Variants in NCOR1 observed in about 807,000 individuals in gnomAD.
The protein encoded by NCOR1 is protein phosphatase 1, regulatory subunit 109.
NCOR1 carries 63 observed loss-of-function variants against 288.1 expected under a neutral mutation model. That is an observed-to-expected ratio of 0.22 (90% confidence interval 0.18 to 0.27). NCOR1 has a LOEUF of 0.27. Ranked by LOEUF, NCOR1 falls within the 10% of genes least tolerant of loss-of-function variation. NCOR1 has a pLI of 1.00. For synonymous variants in NCOR1, 1,007 were observed against 1,065.9 expected (o/e 0.94, Z 1.08); for missense variants, 2,397 against 3,019.2 (o/e 0.79, Z 4.83).
Position 16,165,013 on chromosome 17 carries a change from A to G in NCOR1, c.584T>C (p.Val195Ala). The G allele has an allele frequency of 6.3e-7, 1 of 1,576,024 alleles. No homozygotes were observed. Among genetic ancestry groups the G allele is most frequent in the Non-Finnish European group, 8.6e-7 (1 of 1,165,250 alleles). The change falls in exon 5 of 46, where the codon GTA becomes GCA. Residue 195 changes from valine to alanine, a missense_variant. Val to Ala is a moderately conservative substitution (Grantham distance 64). Around this residue, in one of 11 missense-constraint regions of NCOR1, gnomAD observed 5 missense variants for 32.6 expected, o/e 0.15. Transcript: ENST00000268712. ...MDRVDREIAK[V>A]EQQILKLKKK... ...TTTCAGTTTAAGGATCTGCTGTTCTACTTTTGCAATTTCTCGATCTACACG... is the reference window on the plus strand; with the variant it reads ...TTTCAGTTTAAGGATCTGCTGTTCTGCTTTTGCAATTTCTCGATCTACACG...
At chr17:16,163,751 T>G (rs2081381761) in intron 5 of NCOR1, among the ~76,000 whole-genome samples, 1 of 151,980 alleles carries the variant, frequency 6.6e-6, no homozygotes, top group Non-Finnish European at 1.5e-5. Flanking sequence ...TGAACACAAC[T>G]CAAATATCCA....
chr17:16,039,821 C>G lies in NCOR1; in HGVS notation c.6734-167G>C, dbSNP rs2057211675. Reference sequence around the variant, plus strand: ...CTTTTTTTTTGGAGACAGAGTCTCTCTCTGTCGCACCCAGGCTGGAGTGCA... The same window carrying G: ...CTTTTTTTTTGGAGACAGAGTCTCTGTCTGTCGCACCCAGGCTGGAGTGCA... On this transcript the variant is annotated intron_variant, in intron 43 of 45. Coordinates refer to ENST00000268712, the MANE Select transcript of NCOR1 (RefSeq NM_006311.4). 3 of 625,536 alleles carry G rather than the reference C, an allele frequency of 4.8e-6. No individual in the cohort carries two copies. In the African/African-American group the frequency reaches 5.5e-5, roughly 12 times the overall value. 38.7% of individuals were successfully genotyped at this position (625,536 alleles called of 1,614,324 possible).
chr17:16,164,732 T>C lies in NCOR1; in HGVS notation c.618+247A>G, dbSNP rs529171458. The stretch of plus-strand genomic sequence containing the variant: ...CAAAAACCAGCACCATTGTATGGAA[T>C]AGAAAAAAAAAAATCAAAAATAGAA... On this transcript the variant is annotated intron_variant, in intron 5 of 45. Transcript: ENST00000268712. 1.1e-5 allele frequency: 3 copies of C among 269,982 alleles called. No homozygotes were observed. In the South Asian group the frequency reaches 3.0e-4, roughly 27 times the overall value. The allele number at this position is 269,982 out of a possible 1,614,324, so 16.7% of individuals were successfully genotyped here. A position where few individuals can be genotyped will look rare whatever the true frequency, so the allele number is the denominator to read the frequency against.
chr17:16,175,263 G>A (rs1251297984), intron 3 of NCOR1, among the ~76,000 whole-genome samples: 1 of 151,982 alleles, frequency 6.6e-6, no homozygotes, highest in East Asian at 1.9e-4. Context: ...AGCTACTCGG[G>A]AAACTGAGGC....
At chr17:16,144,047 G>C (rs1372451315) in intron 10 of NCOR1, among the ~76,000 whole-genome samples, 3 of 152,106 alleles carry the variant, frequency 2.0e-5, no homozygotes, top group Non-Finnish European at 2.9e-5. Context: ...TTTAAAAGGA[G>C]AGAAAAAACT....
chr17:16,107,213 C>A (rs1272983457), intron 19 of NCOR1, among the ~76,000 whole-genome samples: 1 of 151,910 alleles, frequency 6.6e-6, no homozygotes, highest in Non-Finnish European at 1.5e-5. Flanking sequence ...CATATTAATA[C>A]CAGACTTGGG....
Position 16,101,597 on chromosome 17 carries a change from C to T in NCOR1, c.2343G>A (p.Glu781=), listed in dbSNP as rs2152997179. 6.2e-7 allele frequency: 1 copy of T among 1,614,216 alleles called. No individual in the cohort carries two copies. The highest frequency in any genetic ancestry group is 8.5e-7 in the Non-Finnish European group (1 of 1,180,044). Residue 781 remains glutamate, a synonymous_variant, in exon 20 of 46, where the codon GAG becomes GAA. Transcript: ENST00000268712. The part of the protein sequence containing the change: ...STKPAEDESV[E]TQVNDSISAE... The stretch of plus-strand genomic sequence containing the variant: ...CACTGATGCTGTCATTCACCTGGGT[C>T]TCCACACTTTCATCTTCAGCTGGTT...
chr17:16,037,440 TGC>T (rs2056640118), intron 44 of NCOR1, among the ~76,000 whole-genome samples: 1 of 151,818 alleles, frequency 6.6e-6, no homozygotes, highest in South Asian at 2.1e-4. Flanking sequence ...AAACGAGGTA[TGC>T]TTGCATTTAA....
At chr17:16,147,039 C>G (rs190342904) in intron 9 of NCOR1, among the ~76,000 whole-genome samples, 64 of 152,176 alleles carry the variant, frequency 4.2e-4, no homozygotes, top group African/African-American at 1.5e-3. Flanking sequence ...CCATTTTTTG[C>G]TATAATAAAT....
At chr17:16,057,005 C>T (rs1015563634) in intron 40 of NCOR1, 1 of 151,080 alleles carries the variant, frequency 6.6e-6, no homozygotes, top group Non-Finnish European at 1.5e-5. Context: ...AATATATAAA[C>T]TTTTTTTTTG....
At chr17:16,134,641 T>G (rs1276435389) in intron 14 of NCOR1, among the ~76,000 whole-genome samples, 1 of 152,142 alleles carries the variant, frequency 6.6e-6, no homozygotes, top group African/African-American at 2.4e-5. Flanking sequence ...AACGACTGTT[T>G]CAGAATAACA....
At chr17:16,179,102 C>A (rs2084857932) in intron 3 of NCOR1, among the ~76,000 whole-genome samples, 1 of 152,032 alleles carries the variant, frequency 6.6e-6, no homozygotes, top group Admixed American at 6.6e-5. Context: ...GACTCCACCT[C>A]AAACAAAATA....
Position 16,066,267 on chromosome 17 carries a change from A to T in NCOR1, c.4742-573T>A, listed in dbSNP as rs180895917. 8.5e-5 allele frequency among the ~76,000 whole-genome samples: 13 copies of T among 152,338 alleles called. No individual in the cohort carries two copies. In the East Asian group the frequency reaches 2.3e-3, roughly 27 times the overall value. On this transcript the variant is annotated intron_variant, in intron 32 of 45. Transcript: ENST00000268712. ...AACTCTGTCACTGTAGCACAAAAAG[A>T]GCTACGGAAAAAAAGAATAAATGGT...
chr17:16,160,096 T>C (rs1238897782), intron 5 of NCOR1, among the ~76,000 whole-genome samples: 1 of 152,124 alleles, frequency 6.6e-6, no homozygotes, highest in Non-Finnish European at 1.5e-5. Context: ...CCTCTCAAAG[T>C]GCCGGGATTA....
chr17:16,153,504 C>A, intron 6 of NCOR1, 109 bp from the exon 7 acceptor site: 1 of 628,512 alleles, frequency 1.6e-6, no homozygotes, highest in Non-Finnish European at 2.6e-6. Context: ...TGAACTTATC[C>A]TTATTTCCAA....
chr17:16,098,551 T>C, intron 20 of NCOR1, 55 bp from the exon 21 acceptor site: 5 of 1,481,662 alleles, frequency 3.4e-6, no homozygotes, highest in Non-Finnish European at 4.6e-6. Context: ...GACTCAAACA[T>C]ATAATCACTA....
intron 18 of NCOR1, among the ~76,000 whole-genome samples, chr17:16,115,770 C>T (rs1316582522): frequency 6.6e-6 from 1 of 152,192 alleles, no homozygotes; most frequent in African/African-American, 2.4e-5. Flanking sequence ...TTCAACAAGT[C>T]TCTAGGAAGC....
chr17:16,096,352 G>A (rs992060854), intron 21 of NCOR1, among the ~76,000 whole-genome samples: 1 of 152,004 alleles, frequency 6.6e-6, no homozygotes, highest in Non-Finnish European at 1.5e-5. Context: ...TTGGAATTCA[G>A]TATCAAAAAT....
intron 7 of NCOR1, among the ~76,000 whole-genome samples, chr17:16,152,345 G>A (rs178662): frequency 0.46 from 68,341 of 148,750 alleles, 16,479 homozygotes; most frequent in Middle Eastern, 0.59. Flanking sequence ...GATGTTCCCC[G>A]CCCTGTGTCC....
Sources: allele counts gnomAD v4.1 joint callset (sites outside exome capture counted in the v4.1 genomes callset), GRCh38; gene constraint gnomAD v4.1.1; regional missense constraint gnomAD v4.1.1; transcripts MANE v1.5; gene names NCBI Gene and HGNC (gene_info 2026-07-23, HGNC 2026-07-21).